PRKCA: variants seen among roughly 807,000 people sequenced by gnomAD.
PRKCA encodes protein kinase C alpha, also known as protein kinase C alpha type.
A neutral mutation model predicts 87.0 loss-of-function variants in PRKCA; 27 were observed. The ratio of observed to expected loss-of-function variants is 0.31; its 90% confidence interval spans 0.23 to 0.43. PRKCA has a LOEUF of 0.43. Among genes scored for constraint, PRKCA ranks in the 20% least tolerant of loss-of-function variants. The pLI is 1.00. For synonymous variants in PRKCA, 329 were observed against 311.1 expected, an observed-to-expected ratio of 1.06 and a Z score of -0.61; for missense variants, 518 against 852.3, an observed-to-expected ratio of 0.61 and a Z score of 4.88.
intron 2 of PRKCA, among the ~76,000 whole-genome samples, chr17:66,458,623 G>A (rs1914690731): frequency 1.3e-5 from 2 of 152,032 alleles, no homozygotes; most frequent in African/African-American, 4.8e-5. Flanking sequence ...TGAGACTACA[G>A]GCATGCACCA....
At chr17:66,653,791 T>TAAAAAAAAAAAAAAAAAAAAAAA (rs550316151) in intron 5 of PRKCA, among the ~76,000 whole-genome samples, 1 of 102,526 alleles carries the variant, frequency 9.8e-6, no homozygotes. Flanking sequence ...TTCCAGCTCT[T>TAAAAAAAAAAAAAAAAAAAAAAA]AAAAAAAAAA....
At chr17:66,404,179 G>A (rs1441217910) in intron 2 of PRKCA, 1 of 152,268 alleles carries the variant, frequency 6.6e-6, no homozygotes, top group Non-Finnish European at 1.5e-5. Context: ...TGCCTGGAAA[G>A]AGAGGGACAA....
In PRKCA at chr17:66,798,230, A is replaced by G. The variant is rs73994630; in HGVS notation, c.1855-5643A>G. The stretch of plus-strand genomic sequence containing the variant: ...AAGATGGCACCCGAGGCCATTGCCC[A>G]TCAAGCTCATGGTGATGAGTAAGGT... On this transcript the variant is annotated intron_variant, in intron 16 of 16. Coordinates refer to ENST00000413366, the MANE Select transcript of PRKCA (RefSeq NM_002737.3). Among the ~76,000 whole-genome samples, 328 of 152,346 alleles carry G rather than the reference A, an allele frequency of 2.2e-3. 1 individual carries two copies. The highest frequency in any genetic ancestry group is 7.5e-3 in the African/African-American group (311 of 41,572).
chr17:66,785,782 A>G (rs1327950677), intron 14 of PRKCA, among the ~76,000 whole-genome samples: 2 of 152,194 alleles, frequency 1.3e-5, no homozygotes, highest in Non-Finnish European at 2.9e-5. Context: ...CATAAAATAC[A>G]AGGCACTTTA....
In PRKCA at chr17:66,539,693, C is replaced by T. The variant is rs537742190; in HGVS notation, c.288+43410C>T. On this transcript the variant is annotated intron_variant, in intron 3 of 16. Coordinates refer to ENST00000413366, the MANE Select transcript of PRKCA (RefSeq NM_002737.3). The stretch of plus-strand genomic sequence containing the variant: ...TCTGGGATTACAGGCGTAAGCACCG[C>T]GCCCGGCCTAAGGTTTCAATCTTAA... Among the ~76,000 whole-genome samples, 49 of 152,274 alleles carry T rather than the reference C, an allele frequency of 3.2e-4. 1 individual carries two copies. The South Asian group carries it at 7.9e-3, about 24-fold the overall frequency.
intron 2 of PRKCA, among the ~76,000 whole-genome samples, chr17:66,425,020 C>T (rs1006528755): frequency 7.2e-5 from 11 of 152,110 alleles, no homozygotes; most frequent in African/African-American, 2.4e-4. Flanking sequence ...CCTTGGCCTC[C>T]CAATGTGTTG....
intron 5 of PRKCA, among the ~76,000 whole-genome samples, chr17:66,659,165 G>T (rs138086648): frequency 2.0e-5 from 3 of 152,224 alleles, no homozygotes; most frequent in African/African-American, 7.2e-5. Context: ...AGAGCTAATC[G>T]GTGGTGCCAA....
At chr17:66,374,003 G>A (rs1191499775) in intron 2 of PRKCA, among the ~76,000 whole-genome samples, 6 of 152,300 alleles carry the variant, frequency 3.9e-5, no homozygotes, top group Admixed American at 6.5e-5. Flanking sequence ...GGGGGTTTGA[G>A]GGCAGCTGTT....
chr17:66,663,874 T>TTG (rs1567963311), intron 5 of PRKCA, among the ~76,000 whole-genome samples: 2 of 44,538 alleles, frequency 4.5e-5, no homozygotes, highest in Non-Finnish European at 9.1e-5. Flanking sequence ...ATTTTGGGGT[T>TTG]TTTTTTTTTT....
intron 2 of PRKCA, among the ~76,000 whole-genome samples, chr17:66,390,338 A>T (rs1910292845): frequency 3.3e-5 from 5 of 152,216 alleles, no homozygotes; most frequent in Admixed American, 3.3e-4. Flanking sequence ...TGGCTGCAAT[A>T]GTCAAAATAT....
intron 2 of PRKCA, among the ~76,000 whole-genome samples, chr17:66,353,167 G>A (rs1275317236): frequency 6.6e-6 from 1 of 152,124 alleles, no homozygotes; most frequent in African/African-American, 2.4e-5. Flanking sequence ...GGTTAAAGGG[G>A]TATGTCCTAG....
chr17:66,765,166 C>T (rs962216937), intron 13 of PRKCA, among the ~76,000 whole-genome samples: 2 of 151,992 alleles, frequency 1.3e-5, no homozygotes, highest in Admixed American at 1.3e-4. Context: ...GTAATCCCAG[C>T]GCTTTGGGAG....
chr17:66,777,814 T>C (rs1975094792), intron 14 of PRKCA: 13 of 985,118 alleles, frequency 1.3e-5, no homozygotes, highest in Non-Finnish European at 1.3e-5. Context: ...GTCACGTGAG[T>C]AGACTCTTGG....
intron 8 of PRKCA, among the ~76,000 whole-genome samples, chr17:66,711,526 G>T (rs1399052656): frequency 6.6e-6 from 1 of 152,138 alleles, no homozygotes; most frequent in Non-Finnish European, 1.5e-5. Context: ...TTAAAAACCT[G>T]GTCTATTATT....
At chr17:66,462,026 G>C (rs1264170253) in intron 2 of PRKCA, among the ~76,000 whole-genome samples, 3 of 151,914 alleles carry the variant, frequency 2.0e-5, no homozygotes, top group Non-Finnish European at 4.4e-5. Context: ...TTTCTTTTTT[G>C]ACCCTCTATT....
At chr17:66,387,960 T>G (rs1327794628) in intron 2 of PRKCA, among the ~76,000 whole-genome samples, 1 of 152,240 alleles carries the variant, frequency 6.6e-6, no homozygotes, top group Non-Finnish European at 1.5e-5. Flanking sequence ...CTGTTCCTAT[T>G]CAAGATGTCT....
At chr17:66,435,855 G>A (rs1036258755) in intron 2 of PRKCA, among the ~76,000 whole-genome samples, 28 of 152,118 alleles carry the variant, frequency 1.8e-4, no homozygotes, top group Non-Finnish European at 2.9e-4. Flanking sequence ...CAGGCATAGC[G>A]CTAAGAATAA....
chr17:66,457,090 T>A (rs186869256), intron 2 of PRKCA, among the ~76,000 whole-genome samples: 11 of 152,308 alleles, frequency 7.2e-5, no homozygotes, highest in African/African-American at 2.6e-4. Flanking sequence ...CTTTTTTGCC[T>A]ACACTGATCA....
At position 66,803,039 on chromosome 17, in the gene PRKCA, C is replaced by T. The variant is rs948736039; in HGVS notation, c.1855-834C>T. 2.0e-5 allele frequency among the ~76,000 whole-genome samples: 3 copies of T among 152,188 alleles called. No homozygotes were observed. The highest frequency in any genetic ancestry group is 6.5e-5 in the Admixed American group (1 of 15,282). ...CAAGGTGAAGAGAACACTCCTTCCC[C>T]ACTTTTGGGGTCAGGCTACCAAGCC... On this transcript the variant is annotated intron_variant, in intron 16 of 16. Coordinates refer to ENST00000413366, the MANE Select transcript of PRKCA (RefSeq NM_002737.3). The surrounding 1 kb of genome is among the most constrained non-coding windows in gnomAD (Gnocchi z 4.4).
Sources: allele counts gnomAD v4.1 joint callset (sites outside exome capture counted in the v4.1 genomes callset), GRCh38; gene constraint gnomAD v4.1.1; non-coding constraint Gnocchi (gnomAD v3.1); transcripts MANE v1.5; gene names NCBI Gene and HGNC (gene_info 2026-07-23, HGNC 2026-07-21).